Variants in FAM135A observed in about 807,000 individuals in gnomAD.
FAM135A encodes the protein protein FAM135A.
In FAM135A, 79 loss-of-function variants were observed where a neutral mutation model predicts 146.8. That is an observed-to-expected ratio of 0.54 (90% CI 0.45 to 0.65). The LOEUF (loss-of-function observed/expected upper bound fraction) is 0.65. Among genes scored for constraint, FAM135A ranks in the 30% least tolerant of loss-of-function variants. The pLI, the probability that FAM135A is intolerant of heterozygous loss-of-function variation, is 0.00. For missense variants in FAM135A, 1,623 were observed against 1,758.2 expected, an observed-to-expected ratio of 0.92 and a Z score of 1.38; for synonymous variants, 562 against 603.6, an observed-to-expected ratio of 0.93 and a Z score of 1.01.
At chr6:70,531,888 CTT>C (rs869128532) in intron 16 of FAM135A, among the ~76,000 whole-genome samples, 2,394 of 85,530 alleles carry the variant, frequency 0.028, 20 homozygotes, top group African/African-American at 0.1. Flanking sequence ...AAACTGATTT[CTT>C]TTTTTTTTTT....
At position 70,420,479 on chromosome 6, in the gene FAM135A, A is replaced by G. The variant is rs550686356; in HGVS notation, c.-134+5103A>G. Among the ~76,000 whole-genome samples the G allele has an allele frequency of 2.0e-5, 3 of 151,748 alleles. No individual in the cohort carries two copies. The South Asian group carries it at 6.2e-4, about 31-fold the overall frequency. ...CATTTTTCCAGATATCCATGCCTGG[A>G]CTCTCCTTTGTGGATATTGGATGTA... is the stretch of plus-strand genomic sequence containing the variant. On this transcript the variant is annotated intron_variant, in intron 2 of 21. Coordinates refer to ENST00000418814, the MANE Select transcript of FAM135A (RefSeq NM_001162529.3).
At chr6:70,451,819 G>A (rs781338595) in intron 4 of FAM135A, among the ~76,000 whole-genome samples, 29 of 151,666 alleles carry the variant, frequency 1.9e-4, no homozygotes, top group Non-Finnish European at 2.8e-4. Flanking sequence ...TGGTAATTTT[G>A]TGTGTATAGG....
rs546674936 is a variant in FAM135A at position 70,450,716 on chromosome 6, G to GTTTTTTTTTTT, written c.78-1744_78-1734dup. On this transcript the variant is annotated intron_variant, in intron 4 of 21. Coordinates refer to ENST00000418814, the MANE Select transcript of FAM135A (RefSeq NM_001162529.3). ...CTCAGGGAGTGTGACCCTTTTAGTT[G>GTTTTTTTTTTT]TTTTTTTTTTTTTTTTTTTTTTTTT... 7.1e-4 allele frequency among the ~76,000 whole-genome samples: 20 copies of GTTTTTTTTTTT among 28,344 alleles called. 7 individuals carry two copies. Among genetic ancestry groups the GTTTTTTTTTTT allele is most frequent in the Non-Finnish European group, 1.1e-3 (15 of 13,088 alleles). 18.6% of individuals were successfully genotyped at this position (28,344 alleles called of 152,430 possible).
In FAM135A at chr6:70,525,716, G is replaced by T; in HGVS notation, c.2632G>T (p.Asp878Tyr). Residue 878 changes from aspartate (D) to tyrosine (Y), a missense_variant, in exon 15 of 22, where the codon GAT (aspartate) becomes TAT (tyrosine). Physicochemically the swap from Asp to Tyr is radical, Grantham distance 160. Coordinates refer to ENST00000418814, the MANE Select transcript of FAM135A (RefSeq NM_001162529.3). ...AACTGTATTAAATCTAGGAACGACT[G>T]ATTTGCCAAAATGTGATGATACTAA... ...SKTVLNLGTT[D>Y]LPKCDDTKKS... 1 of 1,612,894 alleles carries T rather than the reference G, an allele frequency of 6.2e-7. No homozygotes were observed. The highest frequency in any genetic ancestry group is 8.5e-7 in the Non-Finnish European group (1 of 1,179,528).
In FAM135A at chr6:70,536,307, C is replaced by T. The variant is rs1404369666; in HGVS notation, c.4013C>T (p.Thr1338Ile). 20 of 1,613,012 alleles carry T rather than the reference C, an allele frequency of 1.2e-5. No homozygotes were observed. Among genetic ancestry groups the T allele is most frequent in the Non-Finnish European group, 1.7e-5 (20 of 1,179,610 alleles). The change falls in exon 19 of 22, where the codon ACA becomes ATA. Residue 1338 changes from threonine to isoleucine, a missense_variant. Coordinates refer to ENST00000418814, the MANE Select transcript of FAM135A (RefSeq NM_001162529.3). ...AATTTAATAATTCGTTCAGTGCTTACAAGGCCAAGGTTTAAATATTACCTC... is the reference window on the plus strand; with the variant it reads ...AATTTAATAATTCGTTCAGTGCTTATAAGGCCAAGGTTTAAATATTACCTC... ...LGNLIIRSVL[T>I]RPRFKYYLNK...
At position 70,524,032 on chromosome 6, in the gene FAM135A, C is replaced by T; in HGVS notation, c.1169C>T (p.Pro390Leu). The T allele has an allele frequency of 6.2e-7, 1 of 1,613,240 alleles. No homozygotes were observed. The highest frequency in any genetic ancestry group is 8.5e-7 in the Non-Finnish European group (1 of 1,179,538). The change falls in exon 14 of 22, where the codon CCC becomes CTC. Residue 390 changes from proline (P) to leucine (L), a missense_variant. Physicochemically the swap from Pro to Leu is moderately conservative, Grantham distance 98. Around this residue, in one of 7 missense-constraint regions of FAM135A, gnomAD observed 1,061 missense variants for 1,113.8 expected, o/e 0.95. Coordinates refer to ENST00000418814, the MANE Select transcript of FAM135A (RefSeq NM_001162529.3). ...ACTTCCTTCTGCAGTTCTCTTCCAC[C>T]CTTACCTATTGAATGTAGTGAATTA... The part of the protein sequence containing the change: ...KNTSFCSSLP[P>L]LPIECSELDG...
At chr6:70,558,174 G>A (rs1002413919) in intron 21 of FAM135A, among the ~76,000 whole-genome samples, 1 of 152,170 alleles carries the variant, frequency 6.6e-6, no homozygotes, top group African/African-American at 2.4e-5. Context: ...TGAAAACTAA[G>A]AGGAGAGGTG....
rs1474431680 is a variant in FAM135A at position 70,525,738 on chromosome 6, C to A, written c.2654C>A (p.Thr885Asn). 1 of 1,613,202 alleles carries A rather than the reference C, an allele frequency of 6.2e-7. No homozygotes were observed. Among genetic ancestry groups the A allele is most frequent in the East Asian group, 2.2e-5 (1 of 44,852 alleles). ...ACTGATTTGCCAAAATGTGATGATA[C>A]TAAAAAGTCAAGTATCACTTTGCAA... Reference protein sequence around the residue: ...GTTDLPKCDDTKKSSITLQQQ... With the variant: ...GTTDLPKCDDNKKSSITLQQQ... Residue 885 changes from threonine (T) to asparagine (N), a missense_variant, in exon 15 of 22, where the codon ACT becomes AAT. By Grantham distance (65) the Thr-to-Asn change is moderately conservative. Coordinates refer to ENST00000418814, the MANE Select transcript of FAM135A (RefSeq NM_001162529.3).
intron 4 of FAM135A, among the ~76,000 whole-genome samples, chr6:70,450,713 GTTGT>G (rs1776835636): frequency 3.4e-5 from 1 of 29,780 alleles, no homozygotes; most frequent in African/African-American, 7.3e-5. Context: ...GACCCTTTTA[GTTGT>G]TTTTTTTTTT....
intron 5 of FAM135A, among the ~76,000 whole-genome samples, chr6:70,475,085 A>G (rs1254628573): frequency 3.9e-5 from 6 of 152,208 alleles, no homozygotes; most frequent in Admixed American, 2.0e-4. Flanking sequence ...CAAATTCTTT[A>G]CTATTCAGCT....
intron 5 of FAM135A, among the ~76,000 whole-genome samples, chr6:70,456,001 A>G (rs1436908021): frequency 1.3e-5 from 2 of 152,100 alleles, no homozygotes; most frequent in Admixed American, 6.5e-5. Context: ...ACAGGCGTGC[A>G]TCACCACACC....
At chr6:70,514,675 G>C (rs2128306517) in intron 12 of FAM135A, among the ~76,000 whole-genome samples, 1 of 151,668 alleles carries the variant, frequency 6.6e-6, no homozygotes, top group South Asian at 2.1e-4. Flanking sequence ...AATCACCACT[G>C]TAGCCAGTCC....
chr6:70,462,948 G>GTTGTT (rs145077089), intron 5 of FAM135A, among the ~76,000 whole-genome samples: 7,004 of 152,180 alleles, frequency 0.046, 351 homozygotes, highest in African/African-American at 0.11. Flanking sequence ...TCCTCTATTA[G>GTTGTT]TTGTCTCCTT....
chr6:70,496,365 G>A lies in FAM135A; in HGVS notation c.873+5282G>A, dbSNP rs191139232. On this transcript the variant is annotated intron_variant, in intron 11 of 21. Coordinates refer to ENST00000418814, the MANE Select transcript of FAM135A (RefSeq NM_001162529.3). Reference sequence around the variant, plus strand: ...TTTTCAATGGGGTTGTTTTTTTCTGGTAAATTTGTTTAAGTTCCTTGTAGA... The same window carrying A: ...TTTTCAATGGGGTTGTTTTTTTCTGATAAATTTGTTTAAGTTCCTTGTAGA... Among the ~76,000 whole-genome samples the A allele has an allele frequency of 3.9e-3, 599 of 152,116 alleles. 8 individuals carry two copies. The highest frequency in any genetic ancestry group is 0.014 in the African/African-American group (578 of 41,508).
intron 4 of FAM135A, among the ~76,000 whole-genome samples, chr6:70,440,340 T>C (rs1274086139): frequency 6.6e-6 from 1 of 152,194 alleles, no homozygotes; most frequent in East Asian, 1.9e-4. Flanking sequence ...TAATTGATGG[T>C]ACCCATTGAT....
intron 20 of FAM135A, 65 bp from the exon 21 acceptor site, chr6:70,556,685 A>AT: frequency 9.3e-7 from 1 of 1,071,650 alleles, no homozygotes; most frequent in Non-Finnish European, 1.3e-6. Flanking sequence ...ACTTAATATG[A>AT]TACTAATAAC....
chr6:70,534,081 A>G (rs537175317), intron 18 of FAM135A, among the ~76,000 whole-genome samples: 1 of 152,170 alleles, frequency 6.6e-6, no homozygotes, highest in South Asian at 2.1e-4. Context: ...GAGCTGGGGA[A>G]GATGGGGGAT....
At chr6:70,436,377 CT>C (rs1173243567) in intron 4 of FAM135A, among the ~76,000 whole-genome samples, 1 of 152,066 alleles carries the variant, frequency 6.6e-6, no homozygotes, top group Non-Finnish European at 1.5e-5. Flanking sequence ...AGAATCAGCC[CT>C]TCTCTGTACT....
At chr6:70,437,348 GTGGGCTTGTTGTTTTCT>G (rs1191714120) in intron 4 of FAM135A, among the ~76,000 whole-genome samples, 1 of 152,034 alleles carries the variant, frequency 6.6e-6, no homozygotes, top group African/African-American at 2.4e-5. Flanking sequence ...GAAACAACAA[GTGGGCTTGTTGTTTTCT>G]TGGCAAAATT....
Sources: gnomAD v4.1 joint callset for allele counts (sites outside exome capture counted in the v4.1 genomes callset) on GRCh38, gnomAD v4.1.1 for gene constraint, gnomAD v4.1.1 regional missense constraint, MANE v1.5 for transcripts, NCBI Gene and HGNC (gene_info 2026-07-23, HGNC 2026-07-21) for gene names.